Variants in TTLL11 observed in about 807,000 individuals in gnomAD.
TTLL11 encodes the protein tubulin polyglutamylase TTLL11.
Under a neutral mutation model 51.7 loss-of-function variants are expected in TTLL11, and 42 were observed. The ratio of observed to expected loss-of-function variants is 0.81; its 90% CI spans 0.64 to 1.05. TTLL11 has a LOEUF of 1.05. Among genes scored for constraint, TTLL11 ranks in the 50% least tolerant of loss-of-function variants. The pLI, the probability that TTLL11 is intolerant of heterozygous loss-of-function variation, is 0.00. For synonymous variants in TTLL11, 381 were observed against 383.5 expected (o/e 0.99, Z 0.08); for missense variants, 799 against 940.4 (o/e 0.85, Z 1.97).
At chr9:121,868,740 C>T (rs1300217929) in intron 7 of TTLL11, among the ~76,000 whole-genome samples, 2 of 152,172 alleles carry the variant, frequency 1.3e-5, no homozygotes, top group African/African-American at 2.4e-5. Flanking sequence ...TAGATGGTTC[C>T]CTGTTACTGA....
intron 1 of TTLL11, among the ~76,000 whole-genome samples, chr9:122,072,188 A>G (rs1845748038): frequency 6.6e-6 from 1 of 152,164 alleles, no homozygotes; most frequent in Admixed American, 6.5e-5. Context: ...AGCCTGGGCA[A>G]TATAGCAAAA....
chr9:122,074,257 G>A (rs1845804047), intron 1 of TTLL11, among the ~76,000 whole-genome samples: 1 of 147,250 alleles, frequency 6.8e-6, no homozygotes, highest in Non-Finnish European at 1.5e-5. Context: ...CTGGGCGACA[G>A]AGCAAGGCTT....
intron 6 of TTLL11, among the ~76,000 whole-genome samples, chr9:121,950,016 A>G (rs1841800363): frequency 6.6e-6 from 1 of 152,030 alleles, no homozygotes; most frequent in Non-Finnish European, 1.5e-5. Context: ...GGTGGAGGTT[A>G]TCTTTCACCT....
intron 2 of TTLL11, among the ~76,000 whole-genome samples, chr9:122,037,222 C>G: frequency 6.6e-6 from 1 of 152,336 alleles, no homozygotes; most frequent in South Asian, 2.1e-4. Context: ...CTCTTCCAAA[C>G]TGTATTCTCC....
chr9:122,065,226 G>A (rs1253670160), intron 1 of TTLL11, among the ~76,000 whole-genome samples: 3 of 152,088 alleles, frequency 2.0e-5, no homozygotes, highest in South Asian at 2.1e-4. Flanking sequence ...CAAAACAATC[G>A]TTTACTTAAC....
intron 4 of TTLL11, among the ~76,000 whole-genome samples, chr9:121,975,231 G>C (rs1842675274): frequency 6.6e-6 from 1 of 152,212 alleles, no homozygotes; most frequent in Non-Finnish European, 1.5e-5. Flanking sequence ...AAGGGCTGTT[G>C]ATGACCTCTT....
chr9:122,071,660 C>G (rs1174676476), intron 1 of TTLL11, among the ~76,000 whole-genome samples: 1 of 152,148 alleles, frequency 6.6e-6, no homozygotes, highest in African/African-American at 2.4e-5. Context: ...ACCTGCCACC[C>G]ACAAAGATTG....
intron 3 of TTLL11, among the ~76,000 whole-genome samples, chr9:121,994,366 C>A (rs1283092815): frequency 6.6e-6 from 1 of 152,156 alleles, no homozygotes; most frequent in Non-Finnish European, 1.5e-5. Flanking sequence ...CCAGATAATA[C>A]CACCACCACG....
chr9:121,998,148 C>G (rs558093994), intron 3 of TTLL11, among the ~76,000 whole-genome samples: 1 of 152,166 alleles, frequency 6.6e-6, no homozygotes, highest in Non-Finnish European at 1.5e-5. Flanking sequence ...CGAATGTATA[C>G]GACTGGTTAT....
At chr9:122,005,425 T>G (rs1843615106) in intron 3 of TTLL11, among the ~76,000 whole-genome samples, 1 of 152,062 alleles carries the variant, frequency 6.6e-6, no homozygotes, top group Non-Finnish European at 1.5e-5. Flanking sequence ...CATTGATAAT[T>G]CTGCTCAGGG....
chr9:121,943,304 C>T (rs1424091429), intron 6 of TTLL11, among the ~76,000 whole-genome samples: 3 of 152,184 alleles, frequency 2.0e-5, no homozygotes, highest in Non-Finnish European at 4.4e-5. Flanking sequence ...TTCTCAGAAA[C>T]AGGCATGAGT....
intron 7 of TTLL11, among the ~76,000 whole-genome samples, chr9:121,869,809 C>T (rs77739332): frequency 0.019 from 2,959 of 152,154 alleles, 93 homozygotes; most frequent in African/African-American, 0.066. Flanking sequence ...CTTTGACTTG[C>T]CTTAGGGTTA....
At chr9:121,909,691 T>G (rs971678301) in intron 6 of TTLL11, among the ~76,000 whole-genome samples, 1 of 152,154 alleles carries the variant, frequency 6.6e-6, no homozygotes, top group Non-Finnish European at 1.5e-5. Context: ...AGATGTTATA[T>G]CTGGTGGAGG....
intron 6 of TTLL11, among the ~76,000 whole-genome samples, chr9:121,896,856 A>G (rs1839545842): frequency 6.6e-6 from 1 of 152,196 alleles, no homozygotes; most frequent in Admixed American, 6.5e-5. Context: ...CGCCAAAAGA[A>G]AAACGCGTAC....
At chr9:121,826,180 T>A (rs1836747289) in intron 8 of TTLL11, among the ~76,000 whole-genome samples, 2 of 14,626 alleles carry the variant, frequency 1.4e-4, no homozygotes, top group Non-Finnish European at 2.7e-4. Context: ...ATATAACCAG[T>A]AACCTATATA....
intron 6 of TTLL11, among the ~76,000 whole-genome samples, chr9:121,964,130 C>T (rs988960660): frequency 1.3e-5 from 2 of 151,106 alleles, no homozygotes. Flanking sequence ...AACTCCATAA[C>T]AAACCTGCTC....
chr9:121,894,310 T>C (rs1429003921), intron 6 of TTLL11, among the ~76,000 whole-genome samples: 1 of 152,172 alleles, frequency 6.6e-6, no homozygotes, highest in East Asian at 1.9e-4. Context: ...TGTAAATTAG[T>C]TCAACCATTG....
chr9:121,891,106 CT>C (rs1425767096), intron 6 of TTLL11, among the ~76,000 whole-genome samples: 1 of 152,192 alleles, frequency 6.6e-6, no homozygotes, highest in East Asian at 1.9e-4. Flanking sequence ...TTTTGAAGCC[CT>C]TTTCACGCTA....
At chr9:122,083,308 C>T (rs1015697317) in intron 1 of TTLL11, among the ~76,000 whole-genome samples, 2 of 152,074 alleles carry the variant, frequency 1.3e-5, no homozygotes, top group African/African-American at 4.8e-5. Flanking sequence ...ATGCTCTTTC[C>T]CTCCCTCAGT....
Sources: gnomAD v4.1 joint callset for allele counts (sites outside exome capture counted in the v4.1 genomes callset) on GRCh38, gnomAD v4.1.1 for gene constraint, MANE v1.5 for transcripts, NCBI Gene and HGNC (gene_info 2026-07-23, HGNC 2026-07-21) for gene names.